Variants in DSCAM observed in about 807,000 individuals in gnomAD.
The protein encoded by DSCAM is DS cell adhesion molecule, also known as cell adhesion molecule DSCAM.
DSCAM carries 47 observed loss-of-function variants against 217.7 expected under a neutral mutation model. The ratio of observed to expected loss-of-function variants is 0.22; its 90% confidence interval spans 0.17 to 0.28. The LOEUF (loss-of-function observed/expected upper bound fraction) is 0.28. Among genes scored for constraint, DSCAM ranks in the 10% least tolerant of loss-of-function variants. The probability of loss-of-function intolerance (pLI) is 1.00; values close to 1 mark genes in which losing one functional copy is unlikely to be tolerated. For missense variants in DSCAM, 2,080 were observed against 2,618.3 expected, an observed-to-expected ratio of 0.79 and a Z score of 4.49; for synonymous variants, 1,056 against 1,015.3, an observed-to-expected ratio of 1.04 and a Z score of -0.76.
chr21:40,252,814 A>G (rs974874317), intron 11 of DSCAM, among the ~76,000 whole-genome samples: 17 of 152,172 alleles, frequency 1.1e-4, no homozygotes, highest in African/African-American at 4.1e-4. Context: ...TCATTACTCC[A>G]GTCCCCACAA....
At chr21:40,841,417 C>T (rs1411097573) in intron 1 of DSCAM, among the ~76,000 whole-genome samples, 5 of 152,160 alleles carry the variant, frequency 3.3e-5, no homozygotes, top group Non-Finnish European at 5.9e-5. Context: ...AATTTTCTGG[C>T]ATTTTCACAA....
At chr21:40,110,596 C>T (rs994063147) in intron 20 of DSCAM, among the ~76,000 whole-genome samples, 46 of 152,122 alleles carry the variant, frequency 3.0e-4, no homozygotes, top group African/African-American at 1.1e-3. Flanking sequence ...GAGAAGAAGG[C>T]TTCAGATGAT....
rs139265457 is a variant in DSCAM at position 40,524,035 on chromosome 21, T to C, written c.509-154790A>G. ...AACTTGAGTGAATGTGTGAGCTTGATTTGATGAAAGAAATTCGGCTTATAA... is the reference window on the plus strand; with the variant it reads ...AACTTGAGTGAATGTGTGAGCTTGACTTGATGAAAGAAATTCGGCTTATAA... On this transcript the variant is annotated intron_variant, in intron 3 of 32. Coordinates refer to ENST00000400454, the MANE Select transcript of DSCAM (RefSeq NM_001389.5). 3.9e-4 allele frequency among the ~76,000 whole-genome samples: 60 copies of C among 152,318 alleles called. 1 individual carries two copies. The Middle Eastern group carries it at 0.017, about 43-fold the overall frequency.
intron 3 of DSCAM, among the ~76,000 whole-genome samples, chr21:40,559,039 C>T (rs1403030256): frequency 1.3e-5 from 2 of 152,126 alleles, no homozygotes; most frequent in African/African-American, 4.8e-5. Flanking sequence ...TTAAGGTTTA[C>T]CTCATAATGA....
chr21:40,293,690 T>C (rs1159991329), intron 10 of DSCAM, among the ~76,000 whole-genome samples: 5 of 152,082 alleles, frequency 3.3e-5, no homozygotes, highest in African/African-American at 1.2e-4. Flanking sequence ...GGCTTGGTGG[T>C]GTACACCTGT....
chr21:40,828,220 T>C (rs1326438309), intron 1 of DSCAM, among the ~76,000 whole-genome samples: 1 of 152,054 alleles, frequency 6.6e-6, no homozygotes, highest in Non-Finnish European at 1.5e-5. Flanking sequence ...CCAGGCAACA[T>C]AGTGAGACCC....
At chr21:40,023,108 T>G (rs1322664503) in intron 32 of DSCAM, among the ~76,000 whole-genome samples, 1 of 148,526 alleles carries the variant, frequency 6.7e-6, no homozygotes, top group African/African-American at 2.5e-5. Flanking sequence ...CACCTATGAG[T>G]GAGAATATGT....
chr21:40,114,434 A>G (rs924438808), intron 20 of DSCAM, among the ~76,000 whole-genome samples: 7 of 151,388 alleles, frequency 4.6e-5, no homozygotes, highest in African/African-American at 1.5e-4. Flanking sequence ...AAAGACTTAA[A>G]TGTTAGATCT....
At chr21:40,196,240 C>A (rs1352361982) in intron 11 of DSCAM, among the ~76,000 whole-genome samples, 1 of 152,090 alleles carries the variant, frequency 6.6e-6, no homozygotes, top group Admixed American at 6.5e-5. Flanking sequence ...GAGGAAGGGG[C>A]CTGGGAGCAG....
chr21:40,155,555 C>T (rs1413003193), intron 16 of DSCAM, among the ~76,000 whole-genome samples: 3 of 152,076 alleles, frequency 2.0e-5, no homozygotes, highest in Middle Eastern at 3.4e-3. Context: ...AGGGGCACCC[C>T]GACTCCAATC....
At chr21:40,699,271 C>T (rs12482863) in intron 2 of DSCAM, among the ~76,000 whole-genome samples, 15,780 of 152,188 alleles carry the variant, frequency 0.1, 921 homozygotes, top group Admixed American at 0.17. Context: ...GTGCTCTGCC[C>T]ACCTCACTGA....
intron 10 of DSCAM, among the ~76,000 whole-genome samples, chr21:40,279,784 A>G (rs2073735384): frequency 6.6e-6 from 1 of 152,218 alleles, no homozygotes; most frequent in Admixed American, 6.5e-5. Flanking sequence ...TTCACGGAAT[A>G]CTATGCAGCC....
intron 3 of DSCAM, among the ~76,000 whole-genome samples, chr21:40,593,178 AT>A (rs375577171): frequency 9.2e-5 from 14 of 152,136 alleles, no homozygotes; most frequent in East Asian, 3.9e-4. Flanking sequence ...GGATTTTTTA[AT>A]TTTTTTTTAT....
chr21:40,137,106 T>C (rs1273560371), intron 18 of DSCAM, among the ~76,000 whole-genome samples: 2 of 134,308 alleles, frequency 1.5e-5, no homozygotes, highest in South Asian at 2.3e-4. Flanking sequence ...ACCTGGGAGG[T>C]GGAGCTTGCA....
At chr21:40,353,935 A>G (rs2074662729) in intron 4 of DSCAM, among the ~76,000 whole-genome samples, 192 bp from the exon 5 acceptor site, 2 of 152,212 alleles carry the variant, frequency 1.3e-5, no homozygotes, top group South Asian at 4.1e-4. Context: ...AGAATTTACA[A>G]AAGGTTGAAC....
chr21:40,841,236 C>G (rs1480249866), intron 1 of DSCAM, among the ~76,000 whole-genome samples: 4 of 152,154 alleles, frequency 2.6e-5, no homozygotes, highest in Non-Finnish European at 5.9e-5. Context: ...AATCCTGTCC[C>G]TGCTTCCCTC....
chr21:40,027,323 T>C (rs2088411112), intron 32 of DSCAM, among the ~76,000 whole-genome samples: 2 of 152,246 alleles, frequency 1.3e-5, no homozygotes, highest in Non-Finnish European at 1.5e-5. Context: ...TTTCCTTCAT[T>C]TCAACTTTGG....
At chr21:40,497,970 T>A (rs956257243) in intron 3 of DSCAM, among the ~76,000 whole-genome samples, 1 of 152,208 alleles carries the variant, frequency 6.6e-6, no homozygotes, top group African/African-American at 2.4e-5. Flanking sequence ...ATTTCGAGTA[T>A]AATCCAACAG....
chr21:40,488,259 C>G (rs1378909878), intron 3 of DSCAM, among the ~76,000 whole-genome samples: 4 of 152,236 alleles, frequency 2.6e-5, no homozygotes, highest in Admixed American at 1.3e-4. Flanking sequence ...CCCTTCCTCT[C>G]TGAGTTTCTG....
Sources: gnomAD v4.1 joint callset for allele counts (sites outside exome capture counted in the v4.1 genomes callset) on GRCh38, gnomAD v4.1.1 for gene constraint, MANE v1.5 for transcripts, NCBI Gene and HGNC (gene_info 2026-07-23, HGNC 2026-07-21) for gene names.